The following RBFOX1 variants were observed in gnomAD, a reference collection of about 807,000 sequenced individuals.
The protein encoded by RBFOX1 is RNA binding fox-1 homolog 1.
In RBFOX1, 8 loss-of-function variants were observed where a neutral mutation model predicts 57.7. That is an observed-to-expected ratio of 0.14 (90% CI 0.08 to 0.25). The LOEUF (loss-of-function observed/expected upper bound fraction) is 0.25. Among genes scored for constraint, RBFOX1 ranks in the 10% least tolerant of loss-of-function variants. RBFOX1 has a pLI of 1.00. For missense variants in RBFOX1, 611 were observed against 548.5 expected, an observed-to-expected ratio of 1.11 and a Z score of -1.14; for synonymous variants, 326 against 222.4, an observed-to-expected ratio of 1.47 and a Z score of -4.15.
At chr16:6,791,733 C>T (rs2082991930) in intron 3 of RBFOX1, among the ~76,000 whole-genome samples, 1 of 152,094 alleles carries the variant, frequency 6.6e-6, no homozygotes, top group Non-Finnish European at 1.5e-5. Context: ...TGCACTGCAG[C>T]CTGGGGGAAA....
intron 4 of RBFOX1, among the ~76,000 whole-genome samples, chr16:7,190,628 T>C (rs2085134479): frequency 6.6e-6 from 1 of 152,098 alleles, no homozygotes; most frequent in African/African-American, 2.4e-5. Flanking sequence ...GGTAGAGTGG[T>C]ATTGCTACTC....
chr16:6,877,118 G>A (rs34905841), intron 3 of RBFOX1, among the ~76,000 whole-genome samples: 37,684 of 152,038 alleles, frequency 0.25, 4,852 homozygotes, highest in African/African-American at 0.31. Flanking sequence ...CCGCTGAAGA[G>A]AAATAACACC....
chr16:7,372,391 T>C (rs2097584072), intron 4 of RBFOX1, among the ~76,000 whole-genome samples: 1 of 152,202 alleles, frequency 6.6e-6, no homozygotes, highest in Non-Finnish European at 1.5e-5. Context: ...CTTGCCTTGG[T>C]AATAGGATTT....
chr16:6,316,959 C>G (rs1204176760), intron 1 of RBFOX1, 36 bp from the exon 2 acceptor site: 1 of 1,518,046 alleles, frequency 6.6e-7, no homozygotes, highest in Non-Finnish European at 8.8e-7. Flanking sequence ...GAATACATTT[C>G]TTGATACTAA....
chr16:6,132,050 A>C (rs2096633682), intron 1 of RBFOX1, among the ~76,000 whole-genome samples: 1 of 152,204 alleles, frequency 6.6e-6, no homozygotes, highest in South Asian at 2.1e-4. Flanking sequence ...TTATTTTGCC[A>C]AATAGAAGCT....
In RBFOX1 at chr16:6,743,637, G is replaced by A. The variant is rs932642877; in HGVS notation, c.-16+88987G>A. Among the ~76,000 whole-genome samples the A allele has an allele frequency of 3.9e-5, 6 of 151,906 alleles. No homozygotes were observed. In the East Asian group the frequency reaches 7.8e-4, roughly 20 times the overall value. ...GCATGTCTGTAGTCCCAGCTACGTG[G>A]GAGGCTGAGGTGTCAGTATCACTTG... On this transcript the variant is annotated intron_variant, in intron 3 of 15. Coordinates refer to ENST00000550418, the MANE Select transcript of RBFOX1 (RefSeq NM_018723.4).
At chr16:6,210,644 C>T (rs2097290260) in intron 1 of RBFOX1, among the ~76,000 whole-genome samples, 1 of 151,914 alleles carries the variant, frequency 6.6e-6, no homozygotes, top group Non-Finnish European at 1.5e-5. Flanking sequence ...ATCACTTGAA[C>T]CCTGGAAGGT....
At chr16:5,943,437 T>A (rs1464940780) in intron 4 of RBFOX1, among the ~76,000 whole-genome samples, 1 of 152,112 alleles carries the variant, frequency 6.6e-6, no homozygotes, top group Non-Finnish European at 1.5e-5. Context: ...GCAGGAAACA[T>A]TTCTGGGTCA....
rs539067502 is a variant in RBFOX1, at chr16:5,391,711, A to T, written c.220-75505A>T. ...CAGGTAGTGTCTTCCCTGTGTCTAC[A>T]TGTCATCTCCCTTCTGTATGTGTCT... On this transcript the variant is annotated intron_variant, in intron 1 of 2. Coordinates refer to the RBFOX1 transcript ENST00000585867. Among the ~76,000 whole-genome samples, 40 of 152,126 alleles carry T rather than the reference A, an allele frequency of 2.6e-4. 1 individual carries two copies. The South Asian group carries it at 8.1e-3, about 31-fold the overall frequency.
At chr16:7,378,282 A>C (rs1267344534) in intron 4 of RBFOX1, among the ~76,000 whole-genome samples, 1 of 152,092 alleles carries the variant, frequency 6.6e-6, no homozygotes, top group East Asian at 1.9e-4. Flanking sequence ...GAGGATCGGG[A>C]GGCAAGGGAA....
intron 4 of RBFOX1, among the ~76,000 whole-genome samples, chr16:6,012,323 T>A (rs551632581): frequency 5.3e-4 from 80 of 152,324 alleles, no homozygotes; most frequent in African/African-American, 1.9e-3. Flanking sequence ...GTATGCTAAT[T>A]GCTATTCATA....
intron 2 of RBFOX1, among the ~76,000 whole-genome samples, chr16:6,487,272 CAGAA>C (rs1468728633): frequency 2.1e-4 from 32 of 151,746 alleles, no homozygotes; most frequent in African/African-American, 4.8e-4. Flanking sequence ...TTAAAAATGA[CAGAA>C]AGCCCAATTT....
In RBFOX1 at chr16:6,019,351, G is replaced by A. The variant is rs1003510448; in HGVS notation, c.-768G>A. Reference sequence around the variant, plus strand: ...GCGCTGCCGCCGCCTCCTCCAGCCAGAGTCGGTGGGACTGGCTGCGCTGCC... The same window carrying A: ...GCGCTGCCGCCGCCTCCTCCAGCCAAAGTCGGTGGGACTGGCTGCGCTGCC... On this transcript the variant is annotated 5_prime_UTR_variant, in exon 1 of 16. Transcript: ENST00000550418. This position sits in a 1 kb window ranked among gnomAD's most constrained non-coding sequence, Gnocchi z 4.2. 88 of 985,450 alleles carry A rather than the reference G, an allele frequency of 8.9e-5. No individual in the cohort carries two copies. The highest frequency in any genetic ancestry group is 1.1e-4 in the Non-Finnish European group (88 of 830,164). 61.0% of individuals were successfully genotyped at this position (985,450 alleles called of 1,614,324 possible).
chr16:6,958,156 A>C (rs1173413181), intron 3 of RBFOX1, among the ~76,000 whole-genome samples: 1 of 152,036 alleles, frequency 6.6e-6, no homozygotes, highest in African/African-American at 2.4e-5. Context: ...AGGGGAGGGG[A>C]AAGTTAACTT....
intron 3 of RBFOX1, among the ~76,000 whole-genome samples, chr16:6,753,351 A>G (rs936450500): frequency 6.6e-6 from 1 of 152,328 alleles, no homozygotes; most frequent in African/African-American, 2.4e-5. Flanking sequence ...TTGGAAAAAT[A>G]TGGTACAAAA....
At chr16:7,551,172 C>A (rs1160249893) in intron 5 of RBFOX1, among the ~76,000 whole-genome samples, 1 of 151,770 alleles carries the variant, frequency 6.6e-6, no homozygotes, top group Non-Finnish European at 1.5e-5. Context: ...CTGGTGTGCA[C>A]CGCTGCCTTA....
chr16:7,189,441 A>C (rs868457146), intron 4 of RBFOX1, among the ~76,000 whole-genome samples: 2 of 136,042 alleles, frequency 1.5e-5, no homozygotes, highest in South Asian at 4.8e-4. Flanking sequence ...AAAAAAAAAA[A>C]AAAAAAAGGA....
intron 4 of RBFOX1, among the ~76,000 whole-genome samples, chr16:7,165,955 CACACACACACAT>C (rs1567536018): frequency 1.1e-5 from 1 of 93,020 alleles, no homozygotes; most frequent in Non-Finnish European, 2.0e-5. Context: ...CACACACACA[CACACACACACAT>C]ACATACATAC....
At chr16:6,341,003 G>C (rs1348553191) in intron 2 of RBFOX1, among the ~76,000 whole-genome samples, 1 of 152,222 alleles carries the variant, frequency 6.6e-6, no homozygotes, top group Admixed American at 6.5e-5. Flanking sequence ...TGAAGCCACA[G>C]AGATGGGCAG....
Sources: gnomAD v4.1 joint callset for allele counts (sites outside exome capture counted in the v4.1 genomes callset) on GRCh38, gnomAD v4.1.1 for gene constraint, Gnocchi (gnomAD v3.1) non-coding constraint, MANE v1.5 for transcripts, NCBI Gene and HGNC (gene_info 2026-07-23, HGNC 2026-07-21) for gene names.